Variants in CRPPA observed in about 807,000 individuals in gnomAD.
CRPPA encodes the protein D-ribitol-5-phosphate cytidylyltransferase.
Under a neutral mutation model 52.0 loss-of-function variants are expected in CRPPA, and 43 were observed. The observed-to-expected ratio is 0.83, with a 90% CI of 0.65 to 1.07. CRPPA has a LOEUF of 1.07. CRPPA is among the 50% of genes least tolerant of loss of function. CRPPA has a pLI of 0.00. For synonymous variants in CRPPA, 250 were observed against 203.5 expected (o/e 1.23, Z -1.94); for missense variants, 629 against 551.7 (o/e 1.14, Z -1.40).
At chr7:16,146,394 G>A (rs1401890153) in intron 9 of CRPPA, among the ~76,000 whole-genome samples, 2 of 151,922 alleles carry the variant, frequency 1.3e-5, no homozygotes, top group Admixed American at 1.3e-4. Flanking sequence ...TCTCCAACTT[G>A]AAACAAAAGA....
At chr7:16,195,091 C>T (rs1781701140) in intron 9 of CRPPA, among the ~76,000 whole-genome samples, 1 of 151,758 alleles carries the variant, frequency 6.6e-6, no homozygotes, top group Admixed American at 6.6e-5. Flanking sequence ...TTATAATATA[C>T]AATTCAGAGC....
chr7:16,099,409 G>A (rs1460132028), intron 9 of CRPPA, among the ~76,000 whole-genome samples: 3 of 118,482 alleles, frequency 2.5e-5, no homozygotes, highest in Non-Finnish European at 5.2e-5. Flanking sequence ...GAAGGGGAGG[G>A]AAGGGGAGGG....
intron 3 of CRPPA, among the ~76,000 whole-genome samples, chr7:16,321,158 C>T (rs374298049): frequency 6.6e-6 from 1 of 152,074 alleles, no homozygotes; most frequent in South Asian, 2.1e-4. Context: ...CTAGATAATT[C>T]TTTTTCAGAG....
chr7:16,284,426 A>C (rs1367663841), intron 5 of CRPPA, among the ~76,000 whole-genome samples: 1 of 152,156 alleles, frequency 6.6e-6, no homozygotes, highest in African/African-American at 2.4e-5. Flanking sequence ...CTAATAGATG[A>C]CAGAATTATT....
chr7:16,281,051 C>G (rs1784311626), intron 5 of CRPPA, among the ~76,000 whole-genome samples: 1 of 152,152 alleles, frequency 6.6e-6, no homozygotes, highest in African/African-American at 2.4e-5. Context: ...GGCATTTATC[C>G]TATGCCATGT....
chr7:16,278,074 A>C (rs1784246344), intron 6 of CRPPA, 55 bp downstream of exon 6: 4 of 843,368 alleles, frequency 4.7e-6, no homozygotes, highest in Non-Finnish European at 7.8e-6. Flanking sequence ...ATATCTTTAT[A>C]CTATAAAAGT....
chr7:16,341,520 A>C (rs1412158954), intron 3 of CRPPA, among the ~76,000 whole-genome samples: 1 of 152,216 alleles, frequency 6.6e-6, no homozygotes, highest in Non-Finnish European at 1.5e-5. Context: ...AAAATAAGTG[A>C]ATAAAATTAC....
At chr7:16,211,738 C>G (rs1782149087) in intron 9 of CRPPA, among the ~76,000 whole-genome samples, 1 of 152,140 alleles carries the variant, frequency 6.6e-6, no homozygotes. Flanking sequence ...ACATTCAGAT[C>G]TTTAGGACCA....
chr7:16,383,302 C>T (rs1408293949), intron 2 of CRPPA, among the ~76,000 whole-genome samples: 1 of 152,192 alleles, frequency 6.6e-6, no homozygotes, highest in Non-Finnish European at 1.5e-5. Context: ...GGCTGCAGAA[C>T]AGCGGATTTT....
At chr7:16,110,940 G>C (rs2128366971) in intron 9 of CRPPA, among the ~76,000 whole-genome samples, 2 of 152,202 alleles carry the variant, frequency 1.3e-5, no homozygotes, top group Middle Eastern at 3.4e-3. Context: ...AGACAAGTGT[G>C]ATTAGATCAA....
At chr7:16,168,534 A>AAC (rs61189058) in intron 9 of CRPPA, among the ~76,000 whole-genome samples, 4,501 of 143,160 alleles carry the variant, frequency 0.031, 140 homozygotes, top group African/African-American at 0.086. Flanking sequence ...AGTGAAGTAA[A>AAC]ACACACACAC....
At chr7:16,278,415 T>C (rs974821726) in intron 5 of CRPPA, among the ~76,000 whole-genome samples, 189 bp from the exon 6 acceptor site, 4 of 152,176 alleles carry the variant, frequency 2.6e-5, no homozygotes, top group African/African-American at 9.7e-5. Context: ...CCCAAGTCCA[T>C]AAACCTATCC....
intron 8 of CRPPA, among the ~76,000 whole-genome samples, chr7:16,247,294 G>A (rs1373195759): frequency 6.6e-6 from 1 of 152,182 alleles, no homozygotes; most frequent in Non-Finnish European, 1.5e-5. Flanking sequence ...TCTTTTGATT[G>A]AAAGTGACTG....
chr7:16,265,652 T>C (rs141989466), intron 6 of CRPPA, among the ~76,000 whole-genome samples: 2 of 152,278 alleles, frequency 1.3e-5, no homozygotes, highest in Admixed American at 6.5e-5. Context: ...CTTGCTGTTA[T>C]AACTCTACTC....
At chr7:16,137,258 C>A (rs930410524) in intron 9 of CRPPA, among the ~76,000 whole-genome samples, 1 of 152,168 alleles carries the variant, frequency 6.6e-6, no homozygotes, top group African/African-American at 2.4e-5. Context: ...TGTCTATGAA[C>A]CAGGAATCAG....
chr7:16,281,403 C>G (rs768822716), intron 5 of CRPPA, among the ~76,000 whole-genome samples: 1 of 152,138 alleles, frequency 6.6e-6, no homozygotes, highest in Non-Finnish European at 1.5e-5. Context: ...GCTACATTTA[C>G]TTATAAACTG....
intron 3 of CRPPA, among the ~76,000 whole-genome samples, chr7:16,335,761 C>A (rs1785664864): frequency 6.6e-6 from 1 of 152,076 alleles, no homozygotes; most frequent in Non-Finnish European, 1.5e-5. Context: ...AGACAACAAC[C>A]ATATACAGGA....
At chr7:16,160,284 G>T (rs1474488462) in intron 9 of CRPPA, among the ~76,000 whole-genome samples, 7 of 152,106 alleles carry the variant, frequency 4.6e-5, no homozygotes, top group Admixed American at 4.6e-4. Context: ...TTCTTCTAGG[G>T]TTTTTATGGC....
intron 8 of CRPPA, 132 bp from the exon 9 acceptor site, chr7:16,216,329 C>T: frequency 1.8e-6 from 1 of 571,226 alleles, no homozygotes; most frequent in Non-Finnish European, 3.0e-6. Flanking sequence ...TTGTTAATCT[C>T]TAGTTATGCT....
Sources: gnomAD v4.1 joint callset for allele counts (sites outside exome capture counted in the v4.1 genomes callset) on GRCh38, gnomAD v4.1.1 for gene constraint, MANE v1.5 for transcripts, NCBI Gene and HGNC (gene_info 2026-07-23, HGNC 2026-07-21) for gene names.